The following NSMAF variants were observed in gnomAD, a reference collection of about 807,000 sequenced individuals.
NSMAF encodes neutral sphingomyelinase activation associated factor.
A neutral mutation model predicts 134.9 loss-of-function variants in NSMAF; 90 were observed. The ratio of observed to expected loss-of-function variants is 0.67; its 90% CI spans 0.56 to 0.79. The LOEUF is 0.79. Ranked by LOEUF, NSMAF falls within the 30% of genes least tolerant of loss-of-function variation. The pLI is 0.00. For missense variants in NSMAF, 1,010 were observed against 1,119.0 expected (o/e 0.90, Z 1.39); for synonymous variants, 358 against 389.6 (o/e 0.92, Z 0.96).
At chr8:58,585,317 G>GTTATTTT (rs1554572269) in intron 30 of NSMAF, among the ~76,000 whole-genome samples, 9 of 144,326 alleles carry the variant, frequency 6.2e-5, no homozygotes, top group African/African-American at 2.0e-4. Flanking sequence ...TTGTTTCTGG[G>GTTATTTT]TTTTTTTTTT....
rs201287366 is a variant in NSMAF, at chr8:58,585,771, T to A, written c.2550-10A>T. ...ATCCCAGACAAAGCACCTGCAAGAATGATTTAGAAATAGTCCTTTCTTCAT... is the reference window on the plus strand; with the variant it reads ...ATCCCAGACAAAGCACCTGCAAGAAAGATTTAGAAATAGTCCTTTCTTCAT... On this transcript the variant is annotated splice_polypyrimidine_tract_variant and intron_variant, in intron 29 of 30. Transcript: ENST00000038176. The A allele has an allele frequency of 1.8e-4, 297 of 1,612,540 alleles. 1 individual carries two copies. The African/African-American group carries it at 3.7e-3, about 20-fold the overall frequency.
chr8:58,626,058 TC>T (rs1211821724), intron 6 of NSMAF, among the ~76,000 whole-genome samples: 1 of 141,776 alleles, frequency 7.1e-6, no homozygotes, highest in Non-Finnish European at 1.5e-5. Context: ...CCCCCATCCT[TC>T]CCCCTAAGCC....
chr8:58,639,432 A>ATT lies in NSMAF; in HGVS notation c.149+3550_149+3551dup, dbSNP rs548651178. Among the ~76,000 whole-genome samples the ATT allele has an allele frequency of 4.2e-3, 633 of 152,372 alleles. 3 individuals are homozygous for ATT. Among genetic ancestry groups the ATT allele is most frequent in the Non-Finnish European group, 6.0e-3 (411 of 68,038 alleles). On this transcript the variant is annotated intron_variant, in intron 2 of 30. Coordinates refer to ENST00000038176, the MANE Select transcript of NSMAF (RefSeq NM_003580.4). The stretch of plus-strand genomic sequence containing the variant: ...TTGCTTCACACCTGTTAGGATGGCT[A>ATT]TTATCAAAAAACAAAAGATAACAGT...
chr8:58,631,605 T>C, intron 5 of NSMAF, 59 bp from the exon 6 acceptor site: 1 of 912,294 alleles, frequency 1.1e-6, no homozygotes. Context: ...TTGTAAAGAG[T>C]AACTACAAAT....
At chr8:58,640,093 A>G in intron 2 of NSMAF, 1 of 455,710 alleles carries the variant, frequency 2.2e-6, no homozygotes, top group Non-Finnish European at 4.4e-6. Context: ...TCCATTATCC[A>G]GGATAAGTTC....
At chr8:58,587,817 G>A (rs1563522162) in intron 26 of NSMAF, 116 bp from the exon 27 acceptor site, 2 of 835,328 alleles carry the variant, frequency 2.4e-6, no homozygotes, top group East Asian at 2.7e-5. Context: ...TGCCAATAAA[G>A]TTAAGCTGCA....
Position 58,603,114 on chromosome 8 carries a change from T to A in NSMAF, c.1045+96A>T, listed in dbSNP as rs959772859. The A allele has an allele frequency of 6.5e-6, 8 of 1,229,912 alleles. No individual in the cohort carries two copies. The African/African-American group carries it at 1.0e-4, about 16-fold the overall frequency. 76.2% of individuals were successfully genotyped at this position (1,229,912 alleles called of 1,614,324 possible). On this transcript the variant is annotated intron_variant, in intron 13 of 30. Coordinates refer to ENST00000038176, the MANE Select transcript of NSMAF (RefSeq NM_003580.4). The stretch of plus-strand genomic sequence containing the variant: ...AGTTGTAATTTGTTCACATGTCACA[T>A]CACAATTATAAAATAGAATTTATTC...
chr8:58,658,893 A>G (rs1807785275), intron 1 of NSMAF, among the ~76,000 whole-genome samples: 1 of 152,184 alleles, frequency 6.6e-6, no homozygotes. Context: ...CCGCACCGCG[A>G]TTTCGACTGC....
rs1475703000 is a variant in NSMAF, at chr8:58,595,602, A to T, written c.1850T>A (p.Ile617Asn). ...EESKTLAWNNITKLQLHEHYK... is the reference protein window; with the variant it reads ...EESKTLAWNNNTKLQLHEHYK... ...GTGCTCGTGTAACTGCAGTTTGGTG[A>T]TGTTATTCCAGGCCAGTGTTTTGCT... Residue 617 changes from isoleucine to asparagine, a missense_variant, in exon 22 of 31, where the codon ATC becomes AAC. Ile to Asn is a moderately radical substitution (Grantham distance 149, BLOSUM62 -3). Coordinates refer to ENST00000038176, the MANE Select transcript of NSMAF (RefSeq NM_003580.4). The T allele has an allele frequency of 3.1e-6, 5 of 1,613,942 alleles. No homozygotes were observed. Among genetic ancestry groups the T allele is most frequent in the Non-Finnish European group, 4.2e-6 (5 of 1,179,954 alleles).
intron 1 of NSMAF, among the ~76,000 whole-genome samples, chr8:58,656,589 G>A (rs1254309985): frequency 6.6e-6 from 1 of 151,984 alleles, no homozygotes; most frequent in Non-Finnish European, 1.5e-5. Context: ...CACTTTGGGA[G>A]GCCAAGGCGG....
chr8:58,657,082 A>T (rs1807733155), intron 1 of NSMAF, among the ~76,000 whole-genome samples: 1 of 152,180 alleles, frequency 6.6e-6, no homozygotes, highest in Non-Finnish European at 1.5e-5. Context: ...CACCACACCA[A>T]GACCTGTCAA....
In NSMAF at chr8:58,594,244, T is replaced by C. The variant is rs1436040604; in HGVS notation, c.1939A>G (p.Thr647Ala). 1 of 1,614,086 alleles carries C rather than the reference T, an allele frequency of 6.2e-7. No individual in the cohort carries two copies. The highest frequency in any genetic ancestry group is 8.5e-7 in the Non-Finnish European group (1 of 1,180,016). ...TVSRNGSSVF[T>A]TSQDSTLKMF... Reference sequence around the variant, plus strand: ...GAGGAACACTGACCTTGGGATGTTGTGAATACTGAAGATCCATTGCGAGAG... The same window carrying C: ...GAGGAACACTGACCTTGGGATGTTGCGAATACTGAAGATCCATTGCGAGAG... The change falls in exon 23 of 31, where the codon ACA becomes GCA. Residue 647 changes from threonine (T) to alanine (A), a missense_variant. Thr to Ala is a moderately conservative substitution (Grantham distance 58). Transcript: ENST00000038176.
intron 1 of NSMAF, among the ~76,000 whole-genome samples, chr8:58,647,138 C>A (rs1004755440): frequency 2.6e-5 from 4 of 152,148 alleles, no homozygotes; most frequent in African/African-American, 9.7e-5. Context: ...GAAGTGTAAC[C>A]CAAACTTATT....
rs1488326445 is a variant in NSMAF at position 58,585,911 on chromosome 8, C to G, written c.2536G>C (p.Asp846His). Residue 846 changes from aspartate to histidine, a missense_variant, in exon 29 of 31, where the codon GAT becomes CAT. Coordinates refer to ENST00000038176, the MANE Select transcript of NSMAF (RefSeq NM_003580.4). Reference sequence around the variant, plus strand: ...CACAAACTATACCTCTGGGGCTCATCTGATGTCATGGAGGAGATGAGCATT... The same window carrying G: ...CACAAACTATACCTCTGGGGCTCATGTGATGTCATGGAGGAGATGAGCATT... ...TGMLISSMTS[D>H]EPQRCFVWDG... The G allele has an allele frequency of 1.2e-6, 2 of 1,613,618 alleles. No homozygotes were observed. The highest frequency in any genetic ancestry group is 1.7e-6 in the Non-Finnish European group (2 of 1,179,708).
intron 22 of NSMAF, 149 bp downstream of exon 22, chr8:58,595,411 A>G (rs762606671): frequency 4.0e-4 from 230 of 578,840 alleles, no homozygotes; most frequent in Non-Finnish European, 5.5e-4. Context: ...GGAGATCACT[A>G]TAGACATTTT....
intron 26 of NSMAF, chr8:58,588,701 G>C (rs971097790): frequency 7.2e-6 from 11 of 1,536,154 alleles, no homozygotes; most frequent in Non-Finnish European, 9.8e-6. Context: ...TTAGTGCAGC[G>C]AATAGGCTGC....
intron 9 of NSMAF, among the ~76,000 whole-genome samples, chr8:58,615,716 T>C (rs1291760707): frequency 6.6e-6 from 1 of 152,152 alleles, no homozygotes; most frequent in Non-Finnish European, 1.5e-5. Context: ...AGTACTTCTA[T>C]TACAAAGGAA....
chr8:58,647,491 G>A (rs1483092975), intron 1 of NSMAF, among the ~76,000 whole-genome samples: 1 of 152,162 alleles, frequency 6.6e-6, no homozygotes, highest in African/African-American at 2.4e-5. Context: ...ATGTTGAAAT[G>A]TGATTCCCAA....
Position 58,589,498 on chromosome 8 carries a change from C to A in NSMAF, c.2165G>T (p.Trp722Leu). ...TGCAGAATATAGCCTGTTGTCATGC[C>A]AACAGATCTTACTAACAGCATCATC... The part of the protein sequence containing the change: ...GHDDAVSKIC[W>L]HDNRLYSASW... Residue 722 changes from tryptophan (W) to leucine (L), a missense_variant, in exon 26 of 31, where the codon TGG becomes TTG. Physicochemically the swap from Trp to Leu is moderately conservative, Grantham distance 61 (BLOSUM62 -2). Transcript: ENST00000038176. 6.4e-7 allele frequency: 1 copy of A among 1,565,094 alleles called. No individual in the cohort carries two copies. Among genetic ancestry groups the A allele is most frequent in the South Asian group, 1.2e-5 (1 of 81,882 alleles).
Sources: gnomAD v4.1 joint callset for allele counts (sites outside exome capture counted in the v4.1 genomes callset) on GRCh38, gnomAD v4.1.1 for gene constraint, MANE v1.5 for transcripts, NCBI Gene and HGNC (gene_info 2026-07-23, HGNC 2026-07-21) for gene names.